The following KCNH8 variants were observed in gnomAD, a reference collection of about 807,000 sequenced individuals.
KCNH8 encodes the protein voltage-gated delayed rectifier potassium channel KCNH8.
Under a neutral mutation model 103.6 loss-of-function variants are expected in KCNH8, and 70 were observed. That is an observed-to-expected ratio of 0.68 (90% CI 0.56 to 0.82). The LOEUF is 0.82. Ranked by LOEUF, KCNH8 falls within the 40% of genes least tolerant of loss-of-function variation. KCNH8 has a pLI of 0.00. For synonymous variants in KCNH8, 498 were observed against 489.4 expected (o/e 1.02, Z -0.23); for missense variants, 1,217 against 1,329.9 (o/e 0.92, Z 1.32).
chr3:19,326,068 G>A (rs1026907537), intron 3 of KCNH8, among the ~76,000 whole-genome samples: 8 of 151,972 alleles, frequency 5.3e-5, no homozygotes, highest in Non-Finnish European at 1.0e-4. Flanking sequence ...ATTATTCTTA[G>A]CAAACTAATG....
chr3:19,371,332 G>C (rs2066091273), intron 5 of KCNH8, among the ~76,000 whole-genome samples: 1 of 152,004 alleles, frequency 6.6e-6, no homozygotes, highest in Admixed American at 6.6e-5. Context: ...TCTCATTGTG[G>C]TTTTGACTTG....
chr3:19,215,149 C>T (rs778900453), intron 1 of KCNH8, among the ~76,000 whole-genome samples: 18 of 152,216 alleles, frequency 1.2e-4, no homozygotes, highest in Admixed American at 2.6e-4. Flanking sequence ...CTAGCTAAAT[C>T]ACACTGCTAT....
At chr3:19,334,323 G>A (rs2065552738) in intron 3 of KCNH8, among the ~76,000 whole-genome samples, 1 of 152,112 alleles carries the variant, frequency 6.6e-6, no homozygotes, top group Non-Finnish European at 1.5e-5. Context: ...AGCAGAACCT[G>A]TCTTTTTATT....
At chr3:19,328,013 A>G (rs769589932) in intron 3 of KCNH8, among the ~76,000 whole-genome samples, 11 of 152,184 alleles carry the variant, frequency 7.2e-5, no homozygotes, top group Non-Finnish European at 1.6e-4. Context: ...TCCTGTTTCT[A>G]CATGTCTCTC....
At chr3:19,387,562 G>T (rs2066374282) in intron 5 of KCNH8, among the ~76,000 whole-genome samples, 1 of 152,052 alleles carries the variant, frequency 6.6e-6, no homozygotes, top group African/African-American at 2.4e-5. Flanking sequence ...AAAAGTAGTT[G>T]TTCGCTTTGA....
rs148728127 is a variant in KCNH8 at position 19,384,146 on chromosome 3, A to T, written c.812-6335A>T. On this transcript the variant is annotated intron_variant, in intron 5 of 15. Coordinates refer to ENST00000328405, the MANE Select transcript of KCNH8 (RefSeq NM_144633.3). ...ATATAACACAAATAATTAGTTGTAG[A>T]CAATAAGTGGGGAATATTAAAGATC... Among the ~76,000 whole-genome samples, 936 of 152,348 alleles carry T rather than the reference A, an allele frequency of 6.1e-3. 6 individuals are homozygous for T. The highest frequency in any genetic ancestry group is 7.6e-3 in the Non-Finnish European group (514 of 68,028).
chr3:19,169,459 G>A lies in KCNH8; in HGVS notation c.76+20664G>A, dbSNP rs372109453. 3.1e-4 allele frequency among the ~76,000 whole-genome samples: 47 copies of A among 152,126 alleles called. No homozygotes were observed. The South Asian group carries it at 9.1e-3, about 30-fold the overall frequency. On this transcript the variant is annotated intron_variant, in intron 1 of 15. Coordinates refer to ENST00000328405, the MANE Select transcript of KCNH8 (RefSeq NM_144633.3). ...GATGGGTTTTCACCGTTTTAGCCAG[G>A]ATGGTCTTGAACTCCTGACCTTATG...
At chr3:19,167,214 G>T (rs950172599) in intron 1 of KCNH8, among the ~76,000 whole-genome samples, 2 of 152,136 alleles carry the variant, frequency 1.3e-5, no homozygotes, top group Non-Finnish European at 2.9e-5. Context: ...TGTCCTAATT[G>T]TCAGACCTGT....
At chr3:19,460,715 G>C (rs970972074) in intron 11 of KCNH8, among the ~76,000 whole-genome samples, 1 of 152,142 alleles carries the variant, frequency 6.6e-6, no homozygotes, top group Non-Finnish European at 1.5e-5. Flanking sequence ...TGGTTTGACT[G>C]TGTATCTCAT....
chr3:19,187,657 C>T (rs1327806425), intron 1 of KCNH8, among the ~76,000 whole-genome samples: 1 of 152,014 alleles, frequency 6.6e-6, no homozygotes, highest in Non-Finnish European at 1.5e-5. Flanking sequence ...CTTAAGTGCA[C>T]GGGGAACATA....
chr3:19,148,536 C>T lies in KCNH8; in HGVS notation c.-184C>T. ...CTCTTGGGGCTCCTCCTGCCACAGC[C>T]GGGGCGGCTGGAACTCTCTCCCTTT... On this transcript the variant is annotated 5_prime_UTR_variant, in exon 1 of 16. Transcript: ENST00000328405. 2 of 620,640 alleles carry T rather than the reference C, an allele frequency of 3.2e-6. No homozygotes were observed. Among genetic ancestry groups the T allele is most frequent in the South Asian group, 1.9e-5 (1 of 52,548 alleles). 38.4% of individuals were successfully genotyped at this position (620,640 alleles called of 1,614,324 possible).
At chr3:19,169,327 T>G (rs576222785) in intron 1 of KCNH8, among the ~76,000 whole-genome samples, 1 of 151,156 alleles carries the variant, frequency 6.6e-6, no homozygotes. Context: ...GGCGCGATCT[T>G]GGCTCACTGC....
intron 11 of KCNH8, among the ~76,000 whole-genome samples, chr3:19,475,518 C>T (rs1007277704): frequency 1.3e-5 from 2 of 152,170 alleles, no homozygotes; most frequent in Non-Finnish European, 2.9e-5. Flanking sequence ...CTTCTTCCCA[C>T]AAATCTTGTC....
chr3:19,169,793 G>T, intron 1 of KCNH8, among the ~76,000 whole-genome samples: 1 of 152,150 alleles, frequency 6.6e-6, no homozygotes, highest in Non-Finnish European at 1.5e-5. Flanking sequence ...TAAATGGATA[G>T]CTCCAGCTAA....
At chr3:19,463,162 TC>T (rs759237672) in intron 11 of KCNH8, among the ~76,000 whole-genome samples, 2 of 152,178 alleles carry the variant, frequency 1.3e-5, no homozygotes, top group African/African-American at 2.4e-5. Flanking sequence ...CCATTTTATA[TC>T]AGGGCTTAGA....
intron 3 of KCNH8, among the ~76,000 whole-genome samples, chr3:19,306,135 T>C (rs1237816692): frequency 6.6e-6 from 1 of 152,076 alleles, no homozygotes; most frequent in African/African-American, 2.4e-5. Flanking sequence ...GTATAACTTT[T>C]ATTTATCAAA....
At chr3:19,197,296 T>C (rs564079536) in intron 1 of KCNH8, among the ~76,000 whole-genome samples, 2 of 152,140 alleles carry the variant, frequency 1.3e-5, no homozygotes, top group Admixed American at 1.3e-4. Flanking sequence ...CTTAGTCATC[T>C]TTGTTTTCTC....
intron 5 of KCNH8, among the ~76,000 whole-genome samples, chr3:19,389,444 C>A (rs938050028): frequency 6.6e-6 from 1 of 152,048 alleles, no homozygotes; most frequent in Non-Finnish European, 1.5e-5. Flanking sequence ...ACAATTACAT[C>A]TTTCATTAAA....
chr3:19,416,856 T>A (rs979783178), intron 7 of KCNH8, among the ~76,000 whole-genome samples: 2 of 152,194 alleles, frequency 1.3e-5, no homozygotes, highest in African/African-American at 4.8e-5. Context: ...AGCTTAAGTT[T>A]CTTTGTTATT....
Sources: gnomAD v4.1 joint callset for allele counts (sites outside exome capture counted in the v4.1 genomes callset) on GRCh38, gnomAD v4.1.1 for gene constraint, MANE v1.5 for transcripts, NCBI Gene and HGNC (gene_info 2026-07-23, HGNC 2026-07-21) for gene names.